The following METTL8 variants were observed in gnomAD, a reference collection of about 807,000 sequenced individuals.
The protein encoded by METTL8 is tRNA N(3)-cytidine methyltransferase METTL8, mitochondrial.
A neutral mutation model predicts 48.7 loss-of-function variants in METTL8; 32 were observed. That is an observed-to-expected ratio of 0.66 (90% CI 0.50 to 0.88). The LOEUF (loss-of-function observed/expected upper bound fraction) is 0.88, where lower values mean the gene tolerates loss of function less well. Ranked by LOEUF, METTL8 falls within the 40% of genes least tolerant of loss-of-function variation. METTL8 has a pLI of 0.00. For missense variants in METTL8, 464 were observed against 474.4 expected (o/e 0.98, Z 0.20); for synonymous variants, 136 against 157.1 (o/e 0.87, Z 1.01).
intron 2 of METTL8, among the ~76,000 whole-genome samples, chr2:171,383,118 A>C (rs115295515): frequency 0.018 from 2,785 of 152,306 alleles, 81 homozygotes; most frequent in African/African-American, 0.064. Context: ...ACACATGTGT[A>C]CTGAACATGT....
intron 1 of METTL8, among the ~76,000 whole-genome samples, chr2:171,431,244 CAT>C (rs58157411): frequency 0.039 from 5,872 of 152,260 alleles, 373 homozygotes; most frequent in African/African-American, 0.13. Context: ...TTCCCTAACA[CAT>C]GTGCAGTAAG....
At chr2:171,337,770 A>G (rs889645160) in intron 4 of METTL8, among the ~76,000 whole-genome samples, 3 of 152,012 alleles carry the variant, frequency 2.0e-5, no homozygotes, top group Non-Finnish European at 4.4e-5. Context: ...ACTGCAATGA[A>G]TATGATAAAG....
intron 1 of METTL8, among the ~76,000 whole-genome samples, chr2:171,402,169 G>A (rs1479769768): frequency 2.0e-5 from 3 of 151,968 alleles, no homozygotes; most frequent in Non-Finnish European, 4.4e-5. Flanking sequence ...CGGAGAGAAG[G>A]GTAAAAGCCA....
chr2:171,433,700 C>T (rs1032541979), intron 1 of METTL8, among the ~76,000 whole-genome samples, 183 bp downstream of exon 1: 2 of 152,228 alleles, frequency 1.3e-5, no homozygotes, highest in African/African-American at 4.8e-5. Context: ...AAGCAATTAT[C>T]GCAAAACCAG....
intron 3 of METTL8, among the ~76,000 whole-genome samples, chr2:171,351,162 A>C (rs1323826820): frequency 6.6e-6 from 1 of 152,232 alleles, no homozygotes; most frequent in Non-Finnish European, 1.5e-5. Context: ...GAAGGGATCC[A>C]GTTCCAGCTT....
chr2:171,336,704 A>G (rs1686150637), intron 5 of METTL8, among the ~76,000 whole-genome samples: 2 of 152,178 alleles, frequency 1.3e-5, no homozygotes, highest in Admixed American at 6.5e-5. Context: ...AACATCTTAC[A>G]TAGGGTGTTG....
chr2:171,371,666 G>GT lies in METTL8; in HGVS notation c.144-11154dup, dbSNP rs1264853972. ...GCCACCGTGCCCAGCCTATAACAAG[G>GT]TTTTTTTAAAAAAAACCTTTTTAGC... On this transcript the variant is annotated intron_variant, in intron 2 of 9. Coordinates refer to ENST00000375258, the MANE Select transcript of METTL8 (RefSeq NM_001321154.2). Among the ~76,000 whole-genome samples the GT allele has an allele frequency of 1.1e-3, 168 of 151,024 alleles. 3 individuals carry two copies. Among genetic ancestry groups the GT allele is most frequent in the African/African-American group, 8.3e-4 (34 of 41,174 alleles).
intron 2 of METTL8, among the ~76,000 whole-genome samples, chr2:171,373,211 G>A (rs1410646533): frequency 1.3e-5 from 2 of 152,198 alleles, no homozygotes; most frequent in Admixed American, 1.3e-4. Flanking sequence ...TTGTGGTTTT[G>A]ATTTGCATTT....
Position 171,317,189 on chromosome 2 carries a change from C to T in METTL8, c.*6983G>A, listed in dbSNP as rs1684303159. On this transcript the variant is annotated 3_prime_UTR_variant, in exon 10 of 10. Transcript: ENST00000375258. ...GCTTCCAGCGGAAAAGCCTTAAAAG[C>T]CCAAAGGGTGACTGTCCTCCAGTGT... Among the ~76,000 whole-genome samples the T allele has an allele frequency of 6.6e-6, 1 of 152,162 alleles. No individual in the cohort carries two copies. Among genetic ancestry groups the T allele is most frequent in the African/African-American group, 2.4e-5 (1 of 41,418 alleles).
At chr2:171,414,417 C>CAA (rs61382748) in intron 1 of METTL8, among the ~76,000 whole-genome samples, 11 of 105,604 alleles carry the variant, frequency 1.0e-4, no homozygotes, top group African/African-American at 1.4e-4. Context: ...AACTCCGTCT[C>CAA]AAAAAAAAAA....
rs757083358 is a variant in METTL8 at position 171,360,481 on chromosome 2, GCTT to G, written c.173_175del (p.Glu58del). 2.4e-5 allele frequency: 39 copies of G among 1,613,570 alleles called. No homozygotes were observed. Among genetic ancestry groups the G allele is most frequent in the South Asian group, 3.3e-5 (3 of 91,048 alleles). On this transcript the variant is annotated inframe_deletion, in exon 3 of 10. Coordinates refer to ENST00000375258, the MANE Select transcript of METTL8 (RefSeq NM_001321154.2). ...TTCTTTTACTTTTTTTCTGGCTGCT[GCTT>G]CTTCTTCCTTAGACCACTGCATGTG...
intron 2 of METTL8, among the ~76,000 whole-genome samples, chr2:171,379,105 C>G (rs1687262664): frequency 6.6e-6 from 1 of 152,190 alleles, no homozygotes; most frequent in Admixed American, 6.5e-5. Flanking sequence ...TTTAAAAACT[C>G]ACTCAAAACC....
In METTL8 at chr2:171,397,515, T is replaced by C. The variant is rs551571632; in HGVS notation, c.-12-5318A>G. Among the ~76,000 whole-genome samples the C allele has an allele frequency of 3.5e-5, 5 of 142,106 alleles. No homozygotes were observed. The East Asian group carries it at 1.0e-3, about 29-fold the overall frequency. The allele number at this position is 142,106 out of a possible 152,430, so 93.2% of individuals were successfully genotyped here. A position where few individuals can be genotyped will look rare whatever the true frequency, so the allele number is the denominator to read the frequency against. On this transcript the variant is annotated intron_variant, in intron 1 of 9. Transcript: ENST00000375258. The stretch of plus-strand genomic sequence containing the variant: ...GCTGCAGTGAACTATGATCATGCTA[T>C]TGCACTGCATTCTGGGCGACAGAGC...
chr2:171,414,585 G>A (rs1468918936), intron 1 of METTL8: 2 of 151,940 alleles, frequency 1.3e-5, no homozygotes, highest in Non-Finnish European at 2.9e-5. Context: ...AAAATTAGCT[G>A]GGCATGGTGG....
chr2:171,373,699 G>A (rs1225216448), intron 2 of METTL8, among the ~76,000 whole-genome samples: 2 of 151,696 alleles, frequency 1.3e-5, no homozygotes, highest in African/African-American at 4.8e-5. Flanking sequence ...TTCTAATATG[G>A]CTAGCCAGTT....
chr2:171,377,517 C>T (rs1687095483), intron 2 of METTL8, among the ~76,000 whole-genome samples: 1 of 152,088 alleles, frequency 6.6e-6, no homozygotes, highest in South Asian at 2.1e-4. Context: ...CCAGAATCTA[C>T]AAGGAACTCA....
intron 2 of METTL8, among the ~76,000 whole-genome samples, chr2:171,363,816 C>CTT (rs1273986340): frequency 6.7e-5 from 3 of 44,620 alleles, no homozygotes; most frequent in African/African-American, 1.8e-4. Flanking sequence ...ATATATATAT[C>CTT]TTTTTTTTTT....
chr2:171,394,610 C>T (rs1047034200), intron 1 of METTL8, among the ~76,000 whole-genome samples: 1 of 152,184 alleles, frequency 6.6e-6, no homozygotes, highest in African/African-American at 2.4e-5. Flanking sequence ...CTTTAATTAA[C>T]CACACAAACA....
At chr2:171,371,826 G>GTTATTA (rs1393055204) in intron 2 of METTL8, among the ~76,000 whole-genome samples, 2 of 123,928 alleles carry the variant, frequency 1.6e-5, no homozygotes, top group African/African-American at 6.6e-5. Flanking sequence ...TTACATTATT[G>GTTATTA]TTATTATTAC....
Sources: allele counts gnomAD v4.1 joint callset (sites outside exome capture counted in the v4.1 genomes callset), GRCh38; gene constraint gnomAD v4.1.1; transcripts MANE v1.5; gene names NCBI Gene and HGNC (gene_info 2026-07-23, HGNC 2026-07-21).